SUSD4: variants seen among roughly 807,000 people sequenced by gnomAD.
The protein encoded by SUSD4 is sushi domain-containing protein 4.
A neutral mutation model predicts 50.5 loss-of-function variants in SUSD4; 41 were observed. That is an observed-to-expected ratio of 0.81 (90% CI 0.63 to 1.05). The LOEUF is 1.05. Ranked by LOEUF, SUSD4 falls within the 50% of genes least tolerant of loss-of-function variation. SUSD4 has a pLI of 0.00. For missense variants in SUSD4, 580 were observed against 634.7 expected, an observed-to-expected ratio of 0.91 and a Z score of 0.93; for synonymous variants, 257 against 257.3, an observed-to-expected ratio of 1.00 and a Z score of 0.01.
chr1:223,269,387 G>A (rs191507156), intron 3 of SUSD4, among the ~76,000 whole-genome samples: 3 of 152,252 alleles, frequency 2.0e-5, no homozygotes, highest in Non-Finnish European at 4.4e-5. Flanking sequence ...GTGAAGGAAC[G>A]ACGAGCCCAT....
At chr1:223,230,081 G>A (rs139496164) in intron 5 of SUSD4, among the ~76,000 whole-genome samples, 122 of 152,288 alleles carry the variant, frequency 8.0e-4, no homozygotes, top group African/African-American at 2.8e-3. Flanking sequence ...TCTACCCTAG[G>A]AGGACGCCTT....
intron 5 of SUSD4, chr1:223,235,012 C>A (rs1660121137): frequency 6.2e-7 from 1 of 1,611,320 alleles, no homozygotes; most frequent in Admixed American, 1.7e-5. Context: ...TGGGAGAGGA[C>A]TTTAACACAG....
At chr1:223,363,162 C>T in intron 2 of SUSD4, 116 bp downstream of exon 2, 1 of 1,238,544 alleles carries the variant, frequency 8.1e-7, no homozygotes, top group Non-Finnish European at 1.0e-6. Flanking sequence ...CTCGCGTTGT[C>T]AGATCCTCCT....
intron 2 of SUSD4, among the ~76,000 whole-genome samples, chr1:223,334,139 T>C (rs1291682277): frequency 1.3e-5 from 2 of 152,094 alleles, no homozygotes; most frequent in African/African-American, 2.4e-5. Context: ...GAAAATACTA[T>C]AATTAATATC....
intron 5 of SUSD4, among the ~76,000 whole-genome samples, chr1:223,242,163 G>C (rs1346931599): frequency 6.6e-6 from 1 of 152,096 alleles, no homozygotes; most frequent in African/African-American, 2.4e-5. Context: ...GGCTGGTCTT[G>C]AACTCCTAGG....
At position 223,342,189 on chromosome 1, in the gene SUSD4, A is replaced by G. The variant is rs929851824; in HGVS notation, c.148+21089T>C. ...ATCCTCAAAGGGCCCTCAGTGTCCT[A>G]CTGTTTCTCTAGTGTTCACTGAAGT... On this transcript the variant is annotated intron_variant, in intron 2 of 8. Transcript: ENST00000366878. 2.6e-5 allele frequency among the ~76,000 whole-genome samples: 4 copies of G among 152,274 alleles called. No homozygotes were observed. In the East Asian group the frequency reaches 7.7e-4, roughly 29 times the overall value.
intron 2 of SUSD4, among the ~76,000 whole-genome samples, chr1:223,294,905 T>C (rs990234268): frequency 6.6e-6 from 1 of 152,208 alleles, no homozygotes; most frequent in Non-Finnish European, 1.5e-5. Flanking sequence ...TATCAAGTGG[T>C]TCCTAAATGA....
chr1:223,292,169 T>C (rs1664532549), intron 3 of SUSD4, among the ~76,000 whole-genome samples: 1 of 152,224 alleles, frequency 6.6e-6, no homozygotes. Flanking sequence ...CCCGTAATGT[T>C]ATCTGAGTTG....
In SUSD4 at chr1:223,300,802, C is replaced by T. The variant is rs544089283; in HGVS notation, c.149-8151G>A. On this transcript the variant is annotated intron_variant, in intron 2 of 8. Coordinates refer to ENST00000366878, the MANE Select transcript of SUSD4 (RefSeq NM_017982.4). ...GACCAACCCCAAAAGCATGCCCATC[C>T]TCCATCCTGCAGTAGCACTATCAGT... 3.9e-5 allele frequency among the ~76,000 whole-genome samples: 6 copies of T among 152,290 alleles called. No homozygotes were observed. In the South Asian group the frequency reaches 1.2e-3, roughly 32 times the overall value.
intron 2 of SUSD4, among the ~76,000 whole-genome samples, chr1:223,340,429 A>G (rs1027808242): frequency 2.0e-5 from 3 of 152,206 alleles, no homozygotes; most frequent in Non-Finnish European, 4.4e-5. Context: ...CCAGCACTCC[A>G]TGCTGCAGCT....
In SUSD4 at chr1:223,231,525, G is replaced by A. The variant is rs1659898391; in HGVS notation, c.725-2137C>T. Among the ~76,000 whole-genome samples the A allele has an allele frequency of 6.6e-6, 1 of 152,210 alleles. No homozygotes were observed. The highest frequency in any genetic ancestry group is 1.5e-5 in the Non-Finnish European group (1 of 68,040). ...GGCAAATGCAGTCACACAACCCCTTGCATTTCCACAAACAGGGGCTCTTTT... is the reference window on the plus strand; with the variant it reads ...GGCAAATGCAGTCACACAACCCCTTACATTTCCACAAACAGGGGCTCTTTT... On this transcript the variant is annotated intron_variant, in intron 5 of 8. Transcript: ENST00000366878. This position sits in a 1 kb window ranked among gnomAD's most constrained non-coding sequence, Gnocchi z 4.2.
intron 2 of SUSD4, among the ~76,000 whole-genome samples, chr1:223,321,458 C>T (rs181998737): frequency 9.2e-5 from 14 of 152,336 alleles, no homozygotes; most frequent in African/African-American, 3.1e-4. Flanking sequence ...GAGAACTCTG[C>T]CTGGTCCATG....
At chr1:223,353,651 G>A (rs17163831) in intron 2 of SUSD4, among the ~76,000 whole-genome samples, 49,848 of 151,990 alleles carry the variant, frequency 0.33, 8,263 homozygotes, top group African/African-American at 0.39. Context: ...GAAAAACTCA[G>A]GGACAGCGCT....
At chr1:223,293,292 G>A (rs763982160) in intron 2 of SUSD4, among the ~76,000 whole-genome samples, 10 of 152,076 alleles carry the variant, frequency 6.6e-5, no homozygotes, top group Non-Finnish European at 1.5e-4. Context: ...CCACCCGGCT[G>A]CCTTTCTTAA....
intron 2 of SUSD4, among the ~76,000 whole-genome samples, chr1:223,316,481 G>C (rs1048706795): frequency 2.0e-5 from 3 of 152,116 alleles, no homozygotes; most frequent in Admixed American, 1.3e-4. Flanking sequence ...TTGGAACAAA[G>C]CCAGGACAGA....
intron 5 of SUSD4, among the ~76,000 whole-genome samples, chr1:223,234,012 G>A (rs886459142): frequency 1.3e-5 from 2 of 152,204 alleles, no homozygotes; most frequent in Non-Finnish European, 2.9e-5. Flanking sequence ...ATGACAGAGG[G>A]TTACGGCTCT....
intron 2 of SUSD4, among the ~76,000 whole-genome samples, chr1:223,344,172 G>T (rs1455824113): frequency 6.6e-6 from 1 of 152,186 alleles, no homozygotes; most frequent in East Asian, 1.9e-4. Context: ...GACCACCTAA[G>T]AAAACGGAGC....
Position 223,332,618 on chromosome 1 carries a change from T to C in SUSD4, c.148+30660A>G, listed in dbSNP as rs1270742039. On this transcript the variant is annotated intron_variant, in intron 2 of 8. Transcript: ENST00000366878. The surrounding 1 kb of genome is among the most constrained non-coding windows in gnomAD (Gnocchi z 4.0). ...AAAATACATCTCAGGCACTGAAACA[T>C]GGCCTGACCACACTGTAGCAAGTAA... 1.3e-5 allele frequency among the ~76,000 whole-genome samples: 2 copies of C among 152,190 alleles called. No homozygotes were observed. The highest frequency in any genetic ancestry group is 2.9e-5 in the Non-Finnish European group (2 of 68,028).
intron 2 of SUSD4, among the ~76,000 whole-genome samples, chr1:223,357,637 A>C (rs1263486172): frequency 6.6e-6 from 1 of 152,254 alleles, no homozygotes. Flanking sequence ...GTACGTAATA[A>C]GCACTCTTCA....
Sources: gnomAD v4.1 joint callset for allele counts (sites outside exome capture counted in the v4.1 genomes callset) on GRCh38, gnomAD v4.1.1 for gene constraint, Gnocchi (gnomAD v3.1) non-coding constraint, MANE v1.5 for transcripts, NCBI Gene and HGNC (gene_info 2026-07-23, HGNC 2026-07-21) for gene names.